Variants in PGAP1 observed in about 807,000 individuals in gnomAD.
PGAP1 encodes the protein GPI inositol-deacylase.
A neutral mutation model predicts 127.0 loss-of-function variants in PGAP1; 76 were observed. The ratio of observed to expected loss-of-function variants is 0.60; its 90% CI spans 0.50 to 0.72. The LOEUF is 0.72. Ranked by LOEUF, PGAP1 falls within the 30% of genes least tolerant of loss-of-function variation. The pLI is 0.00. For missense variants in PGAP1, 982 were observed against 1,071.3 expected (o/e 0.92, Z 1.16); for synonymous variants, 362 against 366.5 (o/e 0.99, Z 0.14).
intron 4 of PGAP1, among the ~76,000 whole-genome samples, chr2:196,903,150 T>A (rs548389787): frequency 4.6e-5 from 7 of 152,040 alleles, no homozygotes; most frequent in Non-Finnish European, 7.4e-5. Context: ...GTTAGTTTCA[T>A]GGTATATGCA....
intron 4 of PGAP1, among the ~76,000 whole-genome samples, chr2:196,912,333 T>C (rs1702851605): frequency 6.6e-6 from 1 of 151,862 alleles, no homozygotes; most frequent in South Asian, 2.1e-4. Flanking sequence ...CAGGGTACCA[T>C]CCTCAAAAAT....
At chr2:196,902,088 C>T (rs1474919768) in intron 5 of PGAP1, among the ~76,000 whole-genome samples, 4 of 152,190 alleles carry the variant, frequency 2.6e-5, no homozygotes, top group Non-Finnish European at 5.9e-5. Context: ...GATAAAATCA[C>T]AGCTCACTAT....
intron 8 of PGAP1, 122 bp from the exon 9 acceptor site, chr2:196,892,523 T>A: frequency 1.0e-5 from 5 of 499,570 alleles, no homozygotes; most frequent in Non-Finnish European, 1.8e-5. Context: ...TTCTGAACAC[T>A]GGCTATATTA....
chr2:196,873,768 T>C lies in PGAP1; in HGVS notation c.1427-10A>G, dbSNP rs1701476345. The stretch of plus-strand genomic sequence containing the variant: ...TTCCTTGAAGACAATCCTGTTGAAT[T>C]CAAAGTACTGTATTACTTAGAATAT... On this transcript the variant is annotated splice_polypyrimidine_tract_variant and intron_variant, in intron 14 of 26. Coordinates refer to ENST00000354764, the MANE Select transcript of PGAP1 (RefSeq NM_024989.4). 1.9e-6 allele frequency: 3 copies of C among 1,578,290 alleles called. No individual in the cohort carries two copies.
intron 19 of PGAP1, 39 bp downstream of exon 19, chr2:196,870,902 A>C: frequency 6.4e-7 from 1 of 1,555,462 alleles, no homozygotes; most frequent in African/African-American, 1.4e-5. Flanking sequence ...ATCTATTCAT[A>C]AAGCAGTAAA....
chr2:196,841,763 C>T lies in PGAP1; in HGVS notation c.2631-391G>A, dbSNP rs1026006821. 1.2e-4 allele frequency among the ~76,000 whole-genome samples: 19 copies of T among 152,188 alleles called. No homozygotes were observed. In the East Asian group the frequency reaches 1.5e-3, roughly 12 times the overall value. On this transcript the variant is annotated intron_variant, in intron 26 of 26. Transcript: ENST00000354764. ...CGATCTCCTGACCTCGTGATCCACC[C>T]GCCTTGGCCTCCCAAAATGCTGGGA...
intron 4 of PGAP1, among the ~76,000 whole-genome samples, chr2:196,905,909 G>A (rs1178190877): frequency 4.9e-5 from 3 of 60,682 alleles, no homozygotes; most frequent in African/African-American, 1.3e-4. Flanking sequence ...AAGAAACGGC[G>A]CACCACGAGA....
At chr2:196,905,227 C>G (rs1702655419) in intron 4 of PGAP1, among the ~76,000 whole-genome samples, 2 of 152,146 alleles carry the variant, frequency 1.3e-5, no homozygotes, top group African/African-American at 4.8e-5. Flanking sequence ...GGGTCATCTA[C>G]ATACACCACA....
At chr2:196,922,263 T>C (rs1051571119) in intron 1 of PGAP1, 6 of 1,208,848 alleles carry the variant, frequency 5.0e-6, no homozygotes, top group South Asian at 1.4e-5. Flanking sequence ...AACTAAAATA[T>C]CTATTTTATG....
chr2:196,847,286 G>A (rs1700584645), intron 21 of PGAP1, 86 bp from the exon 22 acceptor site: 2 of 1,008,474 alleles, frequency 2.0e-6, no homozygotes, highest in African/African-American at 1.6e-5. Context: ...CTATTCAAGA[G>A]AGTCTCTAAA....
intron 4 of PGAP1, among the ~76,000 whole-genome samples, chr2:196,906,543 C>T (rs1343193452): frequency 1.1e-4 from 4 of 36,868 alleles, no homozygotes; most frequent in Non-Finnish European, 2.7e-4. Flanking sequence ...ACGCAGAGTG[C>T]CTCTCCTCCT....
At chr2:196,872,876 T>C (rs1396051165) in intron 17 of PGAP1, 84 bp downstream of exon 17, 3 of 640,648 alleles carry the variant, frequency 4.7e-6, no homozygotes, top group African/African-American at 1.9e-5. Flanking sequence ...ATTTTAATAA[T>C]TCATGATTTA....
In PGAP1 at chr2:196,839,355, G is replaced by C. The variant is rs1030870461; in HGVS notation, c.*1879C>G. 1 of 152,232 alleles carries C rather than the reference G, an allele frequency of 6.6e-6. No individual in the cohort carries two copies. The highest frequency in any genetic ancestry group is 1.5e-5 in the Non-Finnish European group (1 of 68,036). The allele number at this position is 152,232 out of a possible 1,614,324, so 9.4% of individuals were successfully genotyped here. ...TTGTTTATAAGTATAGTTAAACATA[G>C]GGAGATGTGTCCCTATTTAAACATA... On this transcript the variant is annotated 3_prime_UTR_variant, in exon 27 of 27. Coordinates refer to ENST00000354764, the MANE Select transcript of PGAP1 (RefSeq NM_024989.4).
intron 17 of PGAP1, 154 bp from the exon 18 acceptor site, chr2:196,872,703 A>T: frequency 1.6e-6 from 1 of 620,280 alleles, no homozygotes. Context: ...ATGATATCAC[A>T]ATTGTTTGAA....
At chr2:196,895,870 T>C (rs1031899414) in intron 7 of PGAP1, among the ~76,000 whole-genome samples, 1 of 152,112 alleles carries the variant, frequency 6.6e-6, no homozygotes, top group Non-Finnish European at 1.5e-5. Context: ...TCCAAAAATA[T>C]CCGGGCTGCA....
At chr2:196,869,080 T>C (rs1238384156) in intron 19 of PGAP1, among the ~76,000 whole-genome samples, 1 of 152,202 alleles carries the variant, frequency 6.6e-6, no homozygotes, top group African/African-American at 2.4e-5. Flanking sequence ...GTAACACCTG[T>C]ACATCCTCAG....
chr2:196,844,019 T>C lies in PGAP1; in HGVS notation c.2394A>G (p.Ser798=). Residue 798 remains serine (S), a synonymous_variant, in exon 25 of 27, where the codon TCA becomes TCG. Coordinates refer to ENST00000354764, the MANE Select transcript of PGAP1 (RefSeq NM_024989.4). ...TGGCAGATAAACGAAGATGGTGTATTGAGGAGTCTTTATGATGATTGGATT... is the reference window on the plus strand; with the variant it reads ...TGGCAGATAAACGAAGATGGTGTATCGAGGAGTCTTTATGATGATTGGATT... The part of the protein sequence containing the change: ...EKKSNHHKDS[S]IHHLRLSAND... The C allele has an allele frequency of 6.2e-7, 1 of 1,605,286 alleles. No individual in the cohort carries two copies. The highest frequency in any genetic ancestry group is 2.2e-5 in the East Asian group (1 of 44,756).
intron 19 of PGAP1, among the ~76,000 whole-genome samples, chr2:196,865,641 A>T (rs1315977953): frequency 6.6e-6 from 1 of 152,194 alleles, no homozygotes; most frequent in African/African-American, 2.4e-5. Context: ...CATATATAAC[A>T]AGTTATGAGA....
intron 20 of PGAP1, among the ~76,000 whole-genome samples, chr2:196,859,706 T>C (rs1700999388): frequency 6.6e-6 from 1 of 152,164 alleles, no homozygotes; most frequent in African/African-American, 2.4e-5. Flanking sequence ...CAAGGATAGT[T>C]CAATATATAC....
Sources: allele counts gnomAD v4.1 joint callset (sites outside exome capture counted in the v4.1 genomes callset), GRCh38; gene constraint gnomAD v4.1.1; transcripts MANE v1.5; gene names NCBI Gene and HGNC (gene_info 2026-07-23, HGNC 2026-07-21).